Variants in ARG2 observed in about 807,000 individuals in gnomAD.
The protein encoded by ARG2 is arginase-2, mitochondrial.
ARG2 carries 21 observed loss-of-function variants against 39.4 expected under a neutral mutation model. The ratio of observed to expected loss-of-function variants is 0.53; its 90% CI spans 0.38 to 0.77. The LOEUF is 0.77. Ranked by LOEUF, ARG2 falls within the 30% of genes least tolerant of loss-of-function variation. The pLI, the probability that ARG2 is intolerant of heterozygous loss-of-function variation, is 0.00. For synonymous variants in ARG2, 150 were observed against 156.7 expected, an observed-to-expected ratio of 0.96 and a Z score of 0.32; for missense variants, 378 against 426.2, an observed-to-expected ratio of 0.89 and a Z score of 1.00.
At chr14:67,642,109 TATC>T (rs1400441217) in intron 2 of ARG2, 74 bp from the exon 3 acceptor site, 1 of 1,384,152 alleles carries the variant, frequency 7.2e-7, no homozygotes, top group Non-Finnish European at 1.0e-6. Flanking sequence ...TGTCACGTAT[TATC>T]ATTGTGGCCC....
At chr14:67,637,323 G>A (rs552929792) in intron 2 of ARG2, among the ~76,000 whole-genome samples, 44 of 145,852 alleles carry the variant, frequency 3.0e-4, no homozygotes, top group African/African-American at 1.1e-3. Flanking sequence ...AGGCAGCAGA[G>A]CCCCTTGAAC....
intron 6 of ARG2, chr14:67,647,294 A>T: frequency 2.9e-6 from 1 of 340,650 alleles, no homozygotes; most frequent in Non-Finnish European, 5.3e-6. Context: ...TGAGATGACA[A>T]GCATTTATTG....
intron 2 of ARG2, among the ~76,000 whole-genome samples, chr14:67,627,599 T>A (rs183839619): frequency 6.6e-6 from 1 of 152,264 alleles, no homozygotes; most frequent in African/African-American, 2.4e-5. Flanking sequence ...TGTAAGGCTG[T>A]ATGATCCACC....
intron 7 of ARG2, 100 bp from the exon 8 acceptor site, chr14:67,650,615 T>C (rs917791907): frequency 1.8e-6 from 2 of 1,094,024 alleles, no homozygotes; most frequent in African/African-American, 1.6e-5. Flanking sequence ...AAATGGACTC[T>C]TGTTTTTACT....
intron 7 of ARG2, 67 bp from the exon 8 acceptor site, chr14:67,650,648 G>C: frequency 6.8e-7 from 1 of 1,463,698 alleles, no homozygotes; most frequent in Non-Finnish European, 9.6e-7. Context: ...CCCTGTCCCA[G>C]TGGGATGACC....
At chr14:67,622,365 A>G (rs573526828) in intron 2 of ARG2, among the ~76,000 whole-genome samples, 76 of 152,236 alleles carry the variant, frequency 5.0e-4, no homozygotes, top group Non-Finnish European at 8.7e-4. Flanking sequence ...CAGAGGAATA[A>G]TGAAGTCACT....
At chr14:67,623,320 G>A (rs1346528634) in intron 2 of ARG2, among the ~76,000 whole-genome samples, 1 of 152,174 alleles carries the variant, frequency 6.6e-6, no homozygotes, top group African/African-American at 2.4e-5. Context: ...CAAATAAACA[G>A]CATGGATCAA....
intron 3 of ARG2, among the ~76,000 whole-genome samples, chr14:67,643,685 T>C (rs964733622): frequency 6.6e-6 from 1 of 151,538 alleles, no homozygotes; most frequent in Non-Finnish European, 1.5e-5. Flanking sequence ...AGAAAGAAAA[T>C]ATAACTTATC....
At chr14:67,635,548 AT>A (rs1321552137) in intron 2 of ARG2, among the ~76,000 whole-genome samples, 1 of 152,186 alleles carries the variant, frequency 6.6e-6, no homozygotes, top group African/African-American at 2.4e-5. Context: ...TAGCAGTCAC[AT>A]CCCTTTAAAA....
rs779193558 is a variant in ARG2 at position 67,646,699 on chromosome 14, T to C, written c.578T>C (p.Ile193Thr). 1.7e-5 allele frequency: 28 copies of C among 1,613,900 alleles called. No individual in the cohort carries two copies. Among genetic ancestry groups the C allele is most frequent in the Non-Finnish European group, 1.8e-5 (21 of 1,179,780 alleles). The change falls in exon 5 of 8, where the codon ATT (isoleucine) becomes ACT (threonine). Residue 193 changes from isoleucine to threonine, a missense_variant. Ile to Thr is a moderately conservative substitution (Grantham distance 89, BLOSUM62 -1). Transcript: ENST00000261783. ...WIKPCISSASIVYIGLRDVDP... is the reference protein window; with the variant it reads ...WIKPCISSASTVYIGLRDVDP... ...AAACCTTGTATCTCTTCTGCAAGTA[T>C]TGTGTATATTGGTCTGAGAGACGTG...
intron 2 of ARG2, among the ~76,000 whole-genome samples, chr14:67,631,434 C>CTTT (rs1319430069): frequency 2.1e-4 from 24 of 113,152 alleles, no homozygotes; most frequent in Admixed American, 4.1e-4. Context: ...TTCTTTCTTT[C>CTTT]TTTTTTTTTT....
At chr14:67,646,596 T>C in intron 4 of ARG2, 48 bp from the exon 5 acceptor site, 2 of 1,453,940 alleles carry the variant, frequency 1.4e-6, no homozygotes, top group South Asian at 2.4e-5. Context: ...ATGATCTTGG[T>C]GAGAACAAGA....
chr14:67,650,475 G>T lies in ARG2; in HGVS notation c.860-240G>T, dbSNP rs1375233162. 1.1e-5 allele frequency: 6 copies of T among 535,072 alleles called. No individual in the cohort carries two copies. In the East Asian group the frequency reaches 1.3e-4, roughly 11 times the overall value. 33.1% of individuals were successfully genotyped at this position (535,072 alleles called of 1,614,324 possible). On this transcript the variant is annotated intron_variant, in intron 7 of 7. Transcript: ENST00000261783. ...TTATGCCTGTTATGTTAGTTGAACA[G>T]GGATGGTTTATTTCATTATCTTAAA...
At chr14:67,649,330 TG>T (rs2037142145) in intron 7 of ARG2, 1 of 152,120 alleles carries the variant, frequency 6.6e-6, no homozygotes, top group Non-Finnish European at 1.5e-5. Flanking sequence ...AAGACCAGCG[TG>T]GGCAACATAG....
At chr14:67,622,786 T>C (rs1470244904) in intron 2 of ARG2, among the ~76,000 whole-genome samples, 2 of 152,266 alleles carry the variant, frequency 1.3e-5, no homozygotes, top group African/African-American at 4.8e-5. Flanking sequence ...CTCTACCGTC[T>C]GTAGGTTCTG....
At chr14:67,640,883 A>G (rs2037022962) in intron 2 of ARG2, among the ~76,000 whole-genome samples, 1 of 152,220 alleles carries the variant, frequency 6.6e-6, no homozygotes, top group Non-Finnish European at 1.5e-5. Flanking sequence ...ATAGAGGTTG[A>G]GCGTCCCTAA....
chr14:67,640,195 T>C (rs1433823990), intron 2 of ARG2, among the ~76,000 whole-genome samples: 1 of 152,186 alleles, frequency 6.6e-6, no homozygotes, highest in African/African-American at 2.4e-5. Context: ...CCTGTTGTCA[T>C]ATTTTTCTCC....
Position 67,648,086 on chromosome 14 carries a change from A to C in ARG2, c.762A>C (p.Ala254=), listed in dbSNP as rs1411117956. The change falls in exon 7 of 8, where the codon GCA becomes GCC. Residue 254 remains alanine (A), a synonymous_variant. Transcript: ENST00000261783. ...RPIHLSFDID[A]FDPTLAPATG... ...TCCATTTGAGTTTTGATATTGATGCATTTGACCCTACACTGGCTCCAGCCA... is the reference window on the plus strand; with the variant it reads ...TCCATTTGAGTTTTGATATTGATGCCTTTGACCCTACACTGGCTCCAGCCA... 1 of 1,613,834 alleles carries C rather than the reference A, an allele frequency of 6.2e-7. No individual in the cohort carries two copies.
At chr14:67,623,264 CTG>C (rs2036829792) in intron 2 of ARG2, among the ~76,000 whole-genome samples, 1 of 152,178 alleles carries the variant, frequency 6.6e-6, no homozygotes, top group Non-Finnish European at 1.5e-5. Context: ...TTCAGTTGCT[CTG>C]TTCCTAAACA....
Sources: allele counts gnomAD v4.1 joint callset (sites outside exome capture counted in the v4.1 genomes callset), GRCh38; gene constraint gnomAD v4.1.1; transcripts MANE v1.5; gene names NCBI Gene and HGNC (gene_info 2026-07-23, HGNC 2026-07-21).